DNAH5: variants seen among roughly 807,000 people sequenced by gnomAD.
DNAH5 encodes the protein axonemal beta dynein heavy chain 5.
Under a neutral mutation model 518.2 loss-of-function variants are expected in DNAH5, and 372 were observed. That is an observed-to-expected ratio of 0.72 (90% CI 0.66 to 0.78). The LOEUF is 0.78. Among genes scored for constraint, DNAH5 ranks in the 30% least tolerant of loss-of-function variants. The pLI is 0.00. For missense variants in DNAH5, 5,523 were observed against 5,687.0 expected (o/e 0.97, Z 0.93); for synonymous variants, 2,039 against 2,025.9 (o/e 1.01, Z -0.17).
intron 78 of DNAH5, among the ~76,000 whole-genome samples, chr5:13,695,117 C>A (rs1474111894): frequency 1.3e-5 from 2 of 152,196 alleles, no homozygotes; most frequent in African/African-American, 2.4e-5. Context: ...TCTGCCTTTG[C>A]AGAAAACATG....
At chr5:13,876,549 A>G (rs1286531549) in intron 22 of DNAH5, 135 bp downstream of exon 22, 5 of 980,240 alleles carry the variant, frequency 5.1e-6, no homozygotes, top group South Asian at 1.8e-5. Flanking sequence ...ACATTTGCTG[A>G]GCACATACAA....
chr5:13,987,006 C>T (rs147314365), intron 1 of DNAH5, among the ~76,000 whole-genome samples: 211 of 152,262 alleles, frequency 1.4e-3, no homozygotes, highest in African/African-American at 4.5e-3. Flanking sequence ...TTAAGTGAAA[C>T]GTCCGTCAGT....
intron 47 of DNAH5, among the ~76,000 whole-genome samples, chr5:13,805,357 G>A (rs1008634811): frequency 4.6e-5 from 7 of 152,092 alleles, no homozygotes; most frequent in Non-Finnish European, 8.8e-5. Flanking sequence ...AATTAGCGGG[G>A]TGTGGTAGCC....
At chr5:13,887,029 C>T (rs1163837050) in intron 17 of DNAH5, among the ~76,000 whole-genome samples, 1 of 152,206 alleles carries the variant, frequency 6.6e-6, no homozygotes, top group African/African-American at 2.4e-5. Flanking sequence ...TTAGTCAACT[C>T]ATTCCATGTA....
chr5:13,964,557 C>T (rs1781406444), intron 1 of DNAH5, among the ~76,000 whole-genome samples: 1 of 152,204 alleles, frequency 6.6e-6, no homozygotes, highest in Non-Finnish European at 1.5e-5. Flanking sequence ...ACTTGACTCT[C>T]AGCCCTGCCT....
In DNAH5 at chr5:13,894,836, G is replaced by C. The variant is rs1773708112; in HGVS notation, c.2260-15C>G. The C allele has an allele frequency of 6.2e-7, 1 of 1,611,376 alleles. No homozygotes were observed. Among genetic ancestry groups the C allele is most frequent in the Non-Finnish European group, 8.5e-7 (1 of 1,179,700 alleles). On this transcript the variant is annotated splice_polypyrimidine_tract_variant and intron_variant, in intron 15 of 78. Transcript: ENST00000265104. Reference sequence around the variant, plus strand: ...GCTAGCATCATCTGCAATGAAATTGGGGTTAAGTAATCAATTAATATCTCA... The same window carrying C: ...GCTAGCATCATCTGCAATGAAATTGCGGTTAAGTAATCAATTAATATCTCA...
At chr5:13,954,764 C>G (rs1780650114) in intron 1 of DNAH5, among the ~76,000 whole-genome samples, 1 of 152,138 alleles carries the variant, frequency 6.6e-6, no homozygotes, top group African/African-American at 2.4e-5. Context: ...ACTGCCCCAG[C>G]GTTGATCTCG....
intron 19 of DNAH5, among the ~76,000 whole-genome samples, chr5:13,884,126 A>T (rs1772047211): frequency 6.6e-6 from 1 of 152,146 alleles, no homozygotes; most frequent in South Asian, 2.1e-4. Context: ...GGAAAAGATG[A>T]TGCTATTGAA....
intron 35 of DNAH5, among the ~76,000 whole-genome samples, chr5:13,836,540 C>T (rs375648240): frequency 3.0e-4 from 45 of 152,170 alleles, no homozygotes; most frequent in African/African-American, 9.4e-4. Context: ...TGATCAACTG[C>T]TCCCATGCAG....
At chr5:13,823,432 T>C (rs1018798091) in intron 39 of DNAH5, 62 bp from the exon 40 acceptor site, 2 of 1,108,442 alleles carry the variant, frequency 1.8e-6, no homozygotes, top group African/African-American at 1.5e-5. Context: ...AATATGCAGA[T>C]AAACTGGAAA....
At chr5:13,771,046 T>C in intron 55 of DNAH5, 66 bp from the exon 56 acceptor site, 2 of 1,336,240 alleles carry the variant, frequency 1.5e-6, no homozygotes, top group Non-Finnish European at 2.1e-6. Flanking sequence ...AAGTTAACTG[T>C]TTATTTCTAA....
At position 13,896,335 on chromosome 5, in the gene DNAH5, C is replaced by T. The variant is rs542043860; in HGVS notation, c.2260-1514G>A. The stretch of plus-strand genomic sequence containing the variant: ...TCATCTCCAACCACTCTTTCCCTCT[C>T]TTACCTGCACTTGCCTGACTGTCTT... On this transcript the variant is annotated intron_variant, in intron 15 of 78. Coordinates refer to ENST00000265104, the MANE Select transcript of DNAH5 (RefSeq NM_001369.3). 8.5e-5 allele frequency among the ~76,000 whole-genome samples: 13 copies of T among 152,196 alleles called. No homozygotes were observed. In the East Asian group the frequency reaches 2.1e-3, roughly 25 times the overall value.
chr5:13,708,001 G>A (rs1241993107), intron 76 of DNAH5, 122 bp downstream of exon 76: 4 of 1,162,312 alleles, frequency 3.4e-6, no homozygotes, highest in Non-Finnish European at 5.1e-6. Context: ...GGCTACAGGG[G>A]GCTTCGTCCC....
chr5:13,944,534 A>C lies in DNAH5; in HGVS notation c.-96T>G. 1 of 1,019,190 alleles carries C rather than the reference A, an allele frequency of 9.8e-7. No individual in the cohort carries two copies. Among genetic ancestry groups the C allele is most frequent in the East Asian group, 2.5e-5 (1 of 40,778 alleles). 63.1% of individuals were successfully genotyped at this position (1,019,190 alleles called of 1,614,324 possible). On this transcript the variant is annotated 5_prime_UTR_variant, in exon 1 of 79. Coordinates refer to ENST00000265104, the MANE Select transcript of DNAH5 (RefSeq NM_001369.3). Reference sequence around the variant, plus strand: ...AACATCCAACAGGCTTCCAAATGGAAAGTTTTACTTCCATTTTACTTTCAC... The same window carrying C: ...AACATCCAACAGGCTTCCAAATGGACAGTTTTACTTCCATTTTACTTTCAC...
chr5:13,708,697 A>T (rs1192358189), intron 75 of DNAH5, among the ~76,000 whole-genome samples: 1 of 152,210 alleles, frequency 6.6e-6, no homozygotes, highest in Non-Finnish European at 1.5e-5. Context: ...ACACAAGCAA[A>T]CATGTACACA....
At chr5:13,714,256 C>A in intron 75 of DNAH5, 149 bp downstream of exon 75, 1 of 821,294 alleles carries the variant, frequency 1.2e-6, no homozygotes, top group Non-Finnish European at 1.9e-6. Flanking sequence ...GCAAAAACTT[C>A]TTTTTCTGGT....
At chr5:13,994,955 C>T (rs542530726) in intron 1 of DNAH5, among the ~76,000 whole-genome samples, 5 of 152,322 alleles carry the variant, frequency 3.3e-5, no homozygotes, top group Non-Finnish European at 5.9e-5. Context: ...CAAGAATCCA[C>T]GCAAGCCAGA....
intron 23 of DNAH5, 63 bp from the exon 24 acceptor site, chr5:13,871,065 C>A: frequency 7.9e-7 from 1 of 1,262,316 alleles, no homozygotes; most frequent in Non-Finnish European, 1.1e-6. Flanking sequence ...AAAAGTCAAA[C>A]TGTCGCTGTT....
At chr5:13,696,445 C>A (rs1741410412) in intron 78 of DNAH5, among the ~76,000 whole-genome samples, 1 of 152,136 alleles carries the variant, frequency 6.6e-6, no homozygotes, top group African/African-American at 2.4e-5. Context: ...ATTTCTTTTT[C>A]AAGTTTCAGG....
Sources: allele counts gnomAD v4.1 joint callset (sites outside exome capture counted in the v4.1 genomes callset), GRCh38; gene constraint gnomAD v4.1.1; transcripts MANE v1.5; gene names NCBI Gene and HGNC (gene_info 2026-07-23, HGNC 2026-07-21).